The following FBN1 variants were observed in gnomAD, a reference collection of about 807,000 sequenced individuals.
FBN1 encodes the protein fibrillin-1.
FBN1 carries 29 observed loss-of-function variants against 365.1 expected under a neutral mutation model. The ratio of observed to expected loss-of-function variants is 0.08; its 90% CI spans 0.06 to 0.11. FBN1 has a LOEUF of 0.11. Among genes scored for constraint, FBN1 ranks in the 10% least tolerant of loss-of-function variants. The probability of loss-of-function intolerance (pLI) is 1.00; values close to 1 mark genes in which losing one functional copy is unlikely to be tolerated. For missense variants in FBN1, 2,476 were observed against 3,703.2 expected, an observed-to-expected ratio of 0.67 and a Z score of 8.60; for synonymous variants, 1,210 against 1,270.5, an observed-to-expected ratio of 0.95 and a Z score of 1.01.
intron 6 of FBN1, among the ~76,000 whole-genome samples, chr15:48,559,874 T>C (rs2044210674): frequency 6.6e-6 from 1 of 152,232 alleles, no homozygotes; most frequent in Non-Finnish European, 1.5e-5. Flanking sequence ...GCCTGTTTTG[T>C]GTGCCCATCA....
intron 41 of FBN1, among the ~76,000 whole-genome samples, 177 bp from the exon 42 acceptor site, chr15:48,463,417 C>T (rs912484166): frequency 2.0e-5 from 3 of 152,158 alleles, no homozygotes; most frequent in African/African-American, 4.8e-5. Flanking sequence ...TATGCTGCTA[C>T]AAGATAAAGG....
At chr15:48,631,334 G>C (rs1248264481) in intron 2 of FBN1, among the ~76,000 whole-genome samples, 1 of 152,172 alleles carries the variant, frequency 6.6e-6, no homozygotes, top group Non-Finnish European at 1.5e-5. Context: ...TCTTCTCAGG[G>C]GCTGCCAATC....
intron 27 of FBN1, 71 bp downstream of exon 27, chr15:48,488,042 A>G: frequency 1.2e-6 from 2 of 1,600,388 alleles, no homozygotes; most frequent in South Asian, 2.2e-5. Context: ...AACCTGGAAC[A>G]TAGGCTATGA....
At chr15:48,618,112 A>C (rs1889692787) in intron 2 of FBN1, among the ~76,000 whole-genome samples, 1 of 152,120 alleles carries the variant, frequency 6.6e-6, no homozygotes, top group Admixed American at 6.5e-5. Flanking sequence ...TAGCCCCTTA[A>C]GTATAAATCT....
At chr15:48,621,929 C>T (rs1289953003) in intron 2 of FBN1, among the ~76,000 whole-genome samples, 10 of 150,050 alleles carry the variant, frequency 6.7e-5, no homozygotes, top group East Asian at 5.9e-4. Context: ...ACCTGGGAGG[C>T]GGAGCTTGCA....
intron 55 of FBN1, among the ~76,000 whole-genome samples, chr15:48,432,349 A>T (rs12324245): frequency 0.017 from 2,598 of 152,318 alleles, 57 homozygotes; most frequent in African/African-American, 0.052. Flanking sequence ...TTTGTGAAAT[A>T]GAGCCTAGTT....
intron 58 of FBN1, among the ~76,000 whole-genome samples, chr15:48,426,839 T>C (rs1169037295): frequency 6.6e-6 from 1 of 152,190 alleles, no homozygotes; most frequent in Non-Finnish European, 1.5e-5. Context: ...TTTTCTTTTT[T>C]TTTAAATCAC....
rs921760395 is a variant in FBN1 at position 48,453,346 on chromosome 15, A to T, written c.5423-662T>A. ...GGAAAAAAAAAGGAAAAAGAAAAAG[A>T]AGAAAAAAGAAAATTAAATGTATAT... On this transcript the variant is annotated intron_variant, in intron 44 of 65. Coordinates refer to ENST00000316623, the MANE Select transcript of FBN1 (RefSeq NM_000138.5). Among the ~76,000 whole-genome samples the T allele has an allele frequency of 4.7e-5, 7 of 148,142 alleles. No homozygotes were observed. In the Admixed American group the frequency reaches 4.8e-4, roughly 10 times the overall value.
In FBN1 at chr15:48,576,380, GT is replaced by G. The variant is rs201103531; in HGVS notation, c.538+19902del. Reference sequence around the variant, plus strand: ...CCTTGACCTCTCAGCCTGATTAAATGTTTTTTTCCCCCTCTACTCTGATCTC... The same window carrying G: ...CCTTGACCTCTCAGCCTGATTAAATGTTTTTTCCCCCTCTACTCTGATCTC... On this transcript the variant is annotated intron_variant, in intron 6 of 65. Transcript: ENST00000316623. Among the ~76,000 whole-genome samples the G allele has an allele frequency of 5.6e-3, 855 of 152,086 alleles. 8 individuals carry two copies. The highest frequency in any genetic ancestry group is 0.019 in the African/African-American group (776 of 41,438).
At chr15:48,422,150 G>T in intron 60 of FBN1, 82 bp from the exon 61 acceptor site, 2 of 941,378 alleles carry the variant, frequency 2.1e-6, no homozygotes, top group Non-Finnish European at 3.5e-6. Flanking sequence ...GCAGCTCCAC[G>T]TTTGATTTGG....
intron 42 of FBN1, among the ~76,000 whole-genome samples, chr15:48,461,634 A>G (rs186782575): frequency 1.3e-5 from 2 of 152,328 alleles, no homozygotes; most frequent in East Asian, 3.8e-4. Flanking sequence ...TTTTTTACCA[A>G]CAGGTAAGTA....
rs186215031 is a variant in FBN1, at chr15:48,432,752, C to T, written c.6739+114G>A. ...GCAGTGACAACCCCCGTATTGTCCA[C>T]GGACTATTTATATTCCAATTCCCAG... On this transcript the variant is annotated intron_variant, in intron 55 of 65. Coordinates refer to ENST00000316623, the MANE Select transcript of FBN1 (RefSeq NM_000138.5). 9.8e-4 allele frequency: 1,345 copies of T among 1,370,062 alleles called. 13 individuals carry two copies. In the Admixed American group the frequency reaches 0.016, roughly 16 times the overall value. 84.9% of individuals were successfully genotyped at this position (1,370,062 alleles called of 1,614,324 possible).
chr15:48,530,481 T>TAG (rs1316800614), intron 8 of FBN1, among the ~76,000 whole-genome samples: 7 of 152,154 alleles, frequency 4.6e-5, no homozygotes, highest in African/African-American at 1.7e-4. Context: ...CACAAAGCAT[T>TAG]AGGGACTTGA....
chr15:48,605,138 G>C (rs1223152633), intron 4 of FBN1, among the ~76,000 whole-genome samples: 1 of 152,172 alleles, frequency 6.6e-6, no homozygotes, highest in African/African-American at 2.4e-5. Flanking sequence ...AAAAGGTTTT[G>C]TAAATATAGA....
At chr15:48,616,845 A>T (rs1240751790) in intron 2 of FBN1, among the ~76,000 whole-genome samples, 1 of 152,148 alleles carries the variant, frequency 6.6e-6, no homozygotes, top group Non-Finnish European at 1.5e-5. Flanking sequence ...CTAAAGATAT[A>T]TTATTTTATT....
chr15:48,461,809 G>A (rs1410631038), intron 42 of FBN1, among the ~76,000 whole-genome samples: 2 of 152,174 alleles, frequency 1.3e-5, no homozygotes, highest in African/African-American at 4.8e-5. Context: ...AAATTAGTGA[G>A]CTCTAAAAAA....
chr15:48,611,861 A>G (rs948783607), intron 3 of FBN1, among the ~76,000 whole-genome samples: 2 of 152,230 alleles, frequency 1.3e-5, no homozygotes, highest in African/African-American at 4.8e-5. Context: ...CTCCTGCACA[A>G]TCTTGCAAGT....
Position 48,468,439 on chromosome 15 carries a change from G to C in FBN1, c.4555C>G (p.Leu1519Val). 6.2e-7 allele frequency: 1 copy of C among 1,614,202 alleles called. No homozygotes were observed. The highest frequency in any genetic ancestry group is 8.5e-7 in the Non-Finnish European group (1 of 1,180,042). Residue 1519 changes from leucine to valine, a missense_variant, in exon 37 of 66, where the codon CTG becomes GTG. Leu to Val is a conservative substitution (Grantham distance 32, BLOSUM62 1). Transcript: ENST00000316623. ...ACACAGCCAACTCGAGTTGGGTTCA[G>C]TTCAAAATCAGGTGGGCAGTCACAG... Reference protein sequence around the residue: ...YICDCPPDFELNPTRVGCVDT... With the variant: ...YICDCPPDFEVNPTRVGCVDT...
At chr15:48,524,729 T>G (rs954948029) in intron 9 of FBN1, among the ~76,000 whole-genome samples, 1 of 152,132 alleles carries the variant, frequency 6.6e-6, no homozygotes, top group East Asian at 1.9e-4. Flanking sequence ...CTTAAACTAT[T>G]GGGCCATTAT....
Sources: gnomAD v4.1 joint callset for allele counts (sites outside exome capture counted in the v4.1 genomes callset) on GRCh38, gnomAD v4.1.1 for gene constraint, MANE v1.5 for transcripts, NCBI Gene and HGNC (gene_info 2026-07-23, HGNC 2026-07-21) for gene names.